DOP1B: variants seen among roughly 807,000 people sequenced by gnomAD.
The protein encoded by DOP1B is protein DOP1B.
Under a neutral mutation model 233.5 loss-of-function variants are expected in DOP1B, and 174 were observed. The observed-to-expected ratio is 0.75, with a 90% CI of 0.66 to 0.85. The LOEUF (loss-of-function observed/expected upper bound fraction) is 0.85, where lower values mean the gene tolerates loss of function less well. DOP1B is among the 40% of genes least tolerant of loss of function. The pLI, the probability that DOP1B is intolerant of heterozygous loss-of-function variation, is 0.00. For missense variants in DOP1B, 2,652 were observed against 2,846.6 expected (o/e 0.93, Z 1.56); for synonymous variants, 1,190 against 1,185.6 (o/e 1.00, Z -0.08).
intron 1 of DOP1B, among the ~76,000 whole-genome samples, chr21:36,158,572 G>C (rs1438444220): frequency 6.6e-6 from 1 of 152,114 alleles, no homozygotes; most frequent in Non-Finnish European, 1.5e-5. Context: ...TTGGGAAGTC[G>C]AGGGGGTGGA....
At position 36,162,043 on chromosome 21, in the gene DOP1B, G is replaced by A. The variant is rs113260056; in HGVS notation, c.-26-2665G>A. On this transcript the variant is annotated intron_variant, in intron 1 of 36. Transcript: ENST00000691173. Reference sequence around the variant, plus strand: ...TGCTCCAATAAAATAGTGTAAACTAGGTATTTCTGTTATAAGTGACAGTAG... The same window carrying A: ...TGCTCCAATAAAATAGTGTAAACTAAGTATTTCTGTTATAAGTGACAGTAG... Among the ~76,000 whole-genome samples, 5 of 152,274 alleles carry A rather than the reference G, an allele frequency of 3.3e-5. 1 individual carries two copies. The highest frequency in any genetic ancestry group is 1.2e-4 in the African/African-American group (5 of 41,548).
At chr21:36,165,281 T>C (rs2065898612) in intron 2 of DOP1B, among the ~76,000 whole-genome samples, 1 of 152,242 alleles carries the variant, frequency 6.6e-6, no homozygotes. Flanking sequence ...TGTATACTCC[T>C]TAGGATTTTT....
intron 14 of DOP1B, among the ~76,000 whole-genome samples, chr21:36,231,769 C>T (rs1173322045): frequency 6.6e-6 from 1 of 151,514 alleles, no homozygotes; most frequent in Non-Finnish European, 1.5e-5. Context: ...CCTCCGCCTC[C>T]TGGGTTCAAG....
intron 10 of DOP1B, among the ~76,000 whole-genome samples, chr21:36,220,818 C>T (rs2066615265): frequency 1.3e-5 from 2 of 151,446 alleles, no homozygotes; most frequent in South Asian, 2.1e-4. Context: ...TCTGGAGTGT[C>T]ACTCTCCAGC....
rs761244821 is a variant in DOP1B at position 36,227,679 on chromosome 21, T to G, written c.1474-7T>G. On this transcript the variant is annotated splice_region_variant and splice_polypyrimidine_tract_variant and intron_variant, in intron 12 of 36. Transcript: ENST00000691173. ...TTGTGGGGTTAACCTACACGTTTATTTCACAGGAACTTTACTCTGAGGTGC... is the reference window on the plus strand; with the variant it reads ...TTGTGGGGTTAACCTACACGTTTATGTCACAGGAACTTTACTCTGAGGTGC... The G allele has an allele frequency of 6.6e-7, 1 of 1,518,266 alleles. No individual in the cohort carries two copies. The highest frequency in any genetic ancestry group is 2.1e-5 in the Admixed American group (1 of 47,908). The allele number at this position is 1,518,266 out of a possible 1,614,324, so 94.0% of individuals were successfully genotyped here. A position where few individuals can be genotyped will look rare whatever the true frequency, so the allele number is the denominator to read the frequency against.
At chr21:36,263,872 T>A in intron 26 of DOP1B, 58 bp downstream of exon 26, 1 of 1,501,876 alleles carries the variant, frequency 6.7e-7, no homozygotes, top group Non-Finnish European at 9.3e-7. Flanking sequence ...CTGTCCTCCT[T>A]TGGGGGATAT....
At chr21:36,184,384 A>G (rs902629877) in intron 2 of DOP1B, among the ~76,000 whole-genome samples, 98 of 151,726 alleles carry the variant, frequency 6.5e-4, no homozygotes, top group African/African-American at 2.9e-4. Context: ...GGGTTTCGCT[A>G]TGTTGCCCAG....
At chr21:36,282,643 T>A (rs2067430560) in intron 32 of DOP1B, among the ~76,000 whole-genome samples, 1 of 152,028 alleles carries the variant, frequency 6.6e-6, no homozygotes, top group South Asian at 2.1e-4. Flanking sequence ...CTTAACAATT[T>A]TTTTTTCATC....
At chr21:36,177,455 G>C (rs928902337) in intron 2 of DOP1B, among the ~76,000 whole-genome samples, 1 of 152,144 alleles carries the variant, frequency 6.6e-6, no homozygotes, top group African/African-American at 2.4e-5. Flanking sequence ...GTCTGCTGTG[G>C]GGCTGGAGGT....
At chr21:36,177,156 T>A (rs1454821957) in intron 2 of DOP1B, among the ~76,000 whole-genome samples, 1 of 152,164 alleles carries the variant, frequency 6.6e-6, no homozygotes, top group Non-Finnish European at 1.5e-5. Flanking sequence ...CTGAATCCTT[T>A]GCTGTCGTTC....
chr21:36,164,396 A>G lies in DOP1B; in HGVS notation c.-26-312A>G, dbSNP rs182699894. 3.4e-3 allele frequency: 570 copies of G among 168,116 alleles called. 3 individuals carry two copies. The highest frequency in any genetic ancestry group is 5.3e-3 in the Middle Eastern group (2 of 374). 10.4% of individuals were successfully genotyped at this position (168,116 alleles called of 1,614,324 possible). On this transcript the variant is annotated intron_variant, in intron 1 of 36. Coordinates refer to ENST00000691173, the MANE Select transcript of DOP1B (RefSeq NM_001320714.2). The stretch of plus-strand genomic sequence containing the variant: ...GCTCATTTAAAATTACCGGCTGGCA[A>G]CAACATATAGTCTAGCAGCTTTGGA...
At chr21:36,204,764 C>T (rs879425556) in intron 4 of DOP1B, among the ~76,000 whole-genome samples, 3 of 150,678 alleles carry the variant, frequency 2.0e-5, no homozygotes, top group Non-Finnish European at 2.9e-5. Context: ...AAGCGATTCT[C>T]CTCCCTCAGC....
Position 36,230,578 on chromosome 21 carries a change from G to A in DOP1B, c.1794G>A (p.Pro598=), listed in dbSNP as rs762796724. 23 of 1,614,080 alleles carry A rather than the reference G, an allele frequency of 1.4e-5. No individual in the cohort carries two copies. The highest frequency in any genetic ancestry group is 3.3e-5 in the Admixed American group (2 of 59,994). The change falls in exon 14 of 37, where the codon CCG becomes CCA. Residue 598 remains proline (P), a synonymous_variant. Transcript: ENST00000691173. ...GGATCGGGCTCAGTGCCTCGTCACCGGAGCTCTCTGAGCACTTGAGGGTTC... is the reference window on the plus strand; with the variant it reads ...GGATCGGGCTCAGTGCCTCGTCACCAGAGCTCTCTGAGCACTTGAGGGTTC... ...DSGIGLSASS[P]ELSEHLRVPR...
intron 2 of DOP1B, among the ~76,000 whole-genome samples, chr21:36,191,155 C>T (rs1045412735): frequency 3.3e-5 from 5 of 151,324 alleles, no homozygotes; most frequent in Non-Finnish European, 7.4e-5. Flanking sequence ...ATAATGTCAG[C>T]GACATTGCCA....
chr21:36,274,990 G>A (rs913076973), intron 27 of DOP1B, among the ~76,000 whole-genome samples: 10 of 151,760 alleles, frequency 6.6e-5, no homozygotes, highest in African/African-American at 2.4e-4. Context: ...GATTACAGGT[G>A]CACGCCACCA....
chr21:36,230,456 G>A lies in DOP1B; in HGVS notation c.1672G>A (p.Val558Ile), dbSNP rs778101081. Residue 558 changes from valine to isoleucine, a missense_variant, in exon 14 of 37, where the codon GTA becomes ATA. Coordinates refer to ENST00000691173, the MANE Select transcript of DOP1B (RefSeq NM_001320714.2). ...TESTSGTSSP[V>I]KGENGKIILE... ...ATCTTTTTATTTTTTACAGAGTCCA[G>A]TAAAAGGTGAAAACGGCAAAATAAT... 3 of 1,607,732 alleles carry A rather than the reference G, an allele frequency of 1.9e-6. No individual in the cohort carries two copies. Among genetic ancestry groups the A allele is most frequent in the South Asian group, 2.2e-5 (2 of 90,976 alleles).
At chr21:36,267,539 C>T (rs1211741399) in intron 26 of DOP1B, among the ~76,000 whole-genome samples, 4 of 151,646 alleles carry the variant, frequency 2.6e-5, no homozygotes, top group African/African-American at 9.7e-5. Flanking sequence ...TAAAAATTAT[C>T]CAGATGTGGT....
Position 36,230,589 on chromosome 21 carries a change from A to G in DOP1B, c.1805A>G (p.Glu602Gly). The G allele has an allele frequency of 6.2e-7, 1 of 1,614,204 alleles. No homozygotes were observed. Among genetic ancestry groups the G allele is most frequent in the South Asian group, 1.1e-5 (1 of 91,088 alleles). ...GLSASSPELS[E>G]HLRVPRVSLE... ...AGTGCCTCGTCACCGGAGCTCTCTGAGCACTTGAGGGTTCCTCGAGTTTCT... is the reference window on the plus strand; with the variant it reads ...AGTGCCTCGTCACCGGAGCTCTCTGGGCACTTGAGGGTTCCTCGAGTTTCT... The change falls in exon 14 of 37, where the codon GAG (glutamate) becomes GGG (glycine). Residue 602 changes from glutamate (E) to glycine (G), a missense_variant. Around this residue, in one of 3 missense-constraint regions of DOP1B, gnomAD observed 2,617 missense variants for 2,794.3 expected, o/e 0.94. Transcript: ENST00000691173.
chr21:36,170,218 GT>G (rs2065959920), intron 2 of DOP1B: 1 of 399,644 alleles, frequency 2.5e-6, no homozygotes, highest in African/African-American at 2.1e-5. Context: ...TCTCCCTGTG[GT>G]TTTGATTTGC....
Sources: allele counts gnomAD v4.1 joint callset (sites outside exome capture counted in the v4.1 genomes callset), GRCh38; gene constraint gnomAD v4.1.1; regional missense constraint gnomAD v4.1.1; transcripts MANE v1.5; gene names NCBI Gene and HGNC (gene_info 2026-07-23, HGNC 2026-07-21).